ASIC2: variants seen among roughly 807,000 people sequenced by gnomAD.
ASIC2 encodes the protein acid-sensing ion channel 2.
Under a neutral mutation model 57.3 loss-of-function variants are expected in ASIC2, and 25 were observed. The ratio of observed to expected loss-of-function variants is 0.44; its 90% CI spans 0.32 to 0.61. The LOEUF (loss-of-function observed/expected upper bound fraction) is 0.61, where lower values mean the gene tolerates loss of function less well. Among genes scored for constraint, ASIC2 ranks in the 20% least tolerant of loss-of-function variants. The pLI, the probability that ASIC2 is intolerant of heterozygous loss-of-function variation, is 0.06. For missense variants in ASIC2, 641 were observed against 738.1 expected (o/e 0.87, Z 1.52); for synonymous variants, 319 against 307.5 (o/e 1.04, Z -0.39).
intron 1 of ASIC2, among the ~76,000 whole-genome samples, chr17:33,462,627 T>C (rs1017245964): frequency 6.6e-6 from 1 of 152,248 alleles, no homozygotes; most frequent in Non-Finnish European, 1.5e-5. Context: ...ACAAAATAGC[T>C]GACCACCTTC....
intron 1 of ASIC2, among the ~76,000 whole-genome samples, chr17:34,065,160 T>C (rs1909124273): frequency 6.6e-6 from 1 of 152,102 alleles, no homozygotes; most frequent in African/African-American, 2.4e-5. Flanking sequence ...GATAAAGAAA[T>C]TGTGGCATAT....
intron 1 of ASIC2, among the ~76,000 whole-genome samples, chr17:33,774,614 T>C (rs927601455): frequency 3.3e-5 from 5 of 152,220 alleles, no homozygotes; most frequent in Non-Finnish European, 7.3e-5. Context: ...CAGAAATTCC[T>C]AGCAAACTTC....
intron 1 of ASIC2, among the ~76,000 whole-genome samples, chr17:33,985,894 C>G (rs1458339993): frequency 6.6e-6 from 1 of 152,194 alleles, no homozygotes; most frequent in African/African-American, 2.4e-5. Flanking sequence ...CATCCCTCAG[C>G]CTCAGGGCCT....
chr17:33,877,269 G>T (rs1914572110), intron 1 of ASIC2, among the ~76,000 whole-genome samples: 1 of 152,112 alleles, frequency 6.6e-6, no homozygotes, highest in Non-Finnish European at 1.5e-5. Context: ...CGGACAGTGG[G>T]TGCAGGACAG....
chr17:33,815,480 G>A (rs527887086), intron 1 of ASIC2, among the ~76,000 whole-genome samples: 1 of 152,218 alleles, frequency 6.6e-6, no homozygotes, highest in Admixed American at 6.5e-5. Context: ...CCCTCTTTTT[G>A]TTTTGGTTCC....
intron 4 of ASIC2, among the ~76,000 whole-genome samples, chr17:33,027,063 G>A (rs1254135156): frequency 1.3e-5 from 2 of 152,112 alleles, no homozygotes; most frequent in Non-Finnish European, 2.9e-5. Flanking sequence ...TGGGTGGGAG[G>A]CCAATGTTCT....
intron 1 of ASIC2, among the ~76,000 whole-genome samples, chr17:33,283,399 A>G (rs887507078): frequency 6.6e-6 from 1 of 152,100 alleles, no homozygotes; most frequent in Non-Finnish European, 1.5e-5. Context: ...CCTTGCCCCA[A>G]CCTACTGAAT....
chr17:33,149,762 T>G (rs1173353884), intron 1 of ASIC2, among the ~76,000 whole-genome samples: 1 of 152,244 alleles, frequency 6.6e-6, no homozygotes, highest in African/African-American at 2.4e-5. Context: ...TTAATTTATT[T>G]GATCAATAGT....
intron 1 of ASIC2, among the ~76,000 whole-genome samples, chr17:33,963,985 A>G (rs990221954): frequency 6.6e-6 from 1 of 152,184 alleles, no homozygotes; most frequent in Admixed American, 6.5e-5. Flanking sequence ...TTTGAGCTTC[A>G]GTCTCCTTTG....
At chr17:33,232,371 C>T (rs913135734) in intron 1 of ASIC2, among the ~76,000 whole-genome samples, 6 of 151,802 alleles carry the variant, frequency 4.0e-5, no homozygotes, top group Non-Finnish European at 7.4e-5. Context: ...GGTAAGACAT[C>T]CAGTCTATGG....
intron 1 of ASIC2, among the ~76,000 whole-genome samples, chr17:34,052,921 A>G (rs1178746698): frequency 6.6e-6 from 1 of 151,226 alleles, no homozygotes; most frequent in African/African-American, 2.4e-5. Flanking sequence ...GCCCAGCCAA[A>G]TCTCACTTTT....
chr17:33,604,542 C>T (rs577761159), intron 1 of ASIC2, among the ~76,000 whole-genome samples: 2 of 152,264 alleles, frequency 1.3e-5, no homozygotes, highest in African/African-American at 4.8e-5. Context: ...AGGGATGGAA[C>T]ACAAATGACA....
intron 1 of ASIC2, among the ~76,000 whole-genome samples, chr17:33,821,104 G>A (rs1012070459): frequency 5.3e-5 from 8 of 152,174 alleles, no homozygotes; most frequent in African/African-American, 1.9e-4. Context: ...TTTTCCGTGA[G>A]GACCTTGTGG....
At chr17:34,056,145 AACTGGGTGCCTATTAGGATCTTTT>A (rs1908757992) in intron 1 of ASIC2, among the ~76,000 whole-genome samples, 2 of 152,318 alleles carry the variant, frequency 1.3e-5, no homozygotes, top group African/African-American at 4.8e-5. Flanking sequence ...TAGCTTGAAA[AACTGGGTGCCTATTAGGATCTTTT>A]ACTGCAATTA....
chr17:33,897,782 G>A (rs936138498), intron 1 of ASIC2, among the ~76,000 whole-genome samples: 1 of 152,172 alleles, frequency 6.6e-6, no homozygotes, highest in Non-Finnish European at 1.5e-5. Flanking sequence ...GGAGAGGGGA[G>A]CCCACCAGTG....
At chr17:33,084,829 C>T (rs1251273672) in intron 3 of ASIC2, among the ~76,000 whole-genome samples, 1 of 152,134 alleles carries the variant, frequency 6.6e-6, no homozygotes, top group Non-Finnish European at 1.5e-5. Flanking sequence ...CAGGGCACTT[C>T]TTAAGGTTGT....
chr17:33,665,668 A>T (rs1284587681), intron 1 of ASIC2, among the ~76,000 whole-genome samples: 1 of 152,234 alleles, frequency 6.6e-6, no homozygotes, highest in Non-Finnish European at 1.5e-5. Context: ...ATTGGAACAG[A>T]TAATCCAAGT....
At chr17:34,009,345 C>T (rs1906635723) in intron 1 of ASIC2, among the ~76,000 whole-genome samples, 1 of 152,184 alleles carries the variant, frequency 6.6e-6, no homozygotes, top group African/African-American at 2.4e-5. Context: ...AGCCACCAGC[C>T]ACACTAGGTT....
intron 1 of ASIC2, among the ~76,000 whole-genome samples, chr17:33,689,734 G>A (rs73280959): frequency 0.014 from 2,205 of 152,340 alleles, 46 homozygotes; most frequent in African/African-American, 0.051. Flanking sequence ...GATATTTCAT[G>A]ATGGATTACC....
Sources: gnomAD v4.1 joint callset for allele counts (sites outside exome capture counted in the v4.1 genomes callset) on GRCh38, gnomAD v4.1.1 for gene constraint, MANE v1.5 for transcripts, NCBI Gene and HGNC (gene_info 2026-07-23, HGNC 2026-07-21) for gene names.